The following POGLUT1 variants were observed in gnomAD, a reference collection of about 807,000 sequenced individuals.
The protein encoded by POGLUT1 is 9630046K23Rik.
POGLUT1 carries 32 observed loss-of-function variants against 61.3 expected under a neutral mutation model. The ratio of observed to expected loss-of-function variants is 0.52; its 90% CI spans 0.39 to 0.70. The LOEUF is 0.70. Ranked by LOEUF, POGLUT1 falls within the 30% of genes least tolerant of loss-of-function variation. The pLI is 0.00. For missense variants in POGLUT1, 411 were observed against 469.8 expected, an observed-to-expected ratio of 0.87 and a Z score of 1.16; for synonymous variants, 158 against 158.2, an observed-to-expected ratio of 1.00 and a Z score of 0.01.
At chr3:119,485,901 C>A (rs953754858) in intron 6 of POGLUT1, among the ~76,000 whole-genome samples, 1 of 152,174 alleles carries the variant, frequency 6.6e-6, no homozygotes, top group African/African-American at 2.4e-5. Context: ...TAGGAGGACC[C>A]TGTGTTGTTC....
At chr3:119,491,090 A>G (rs1044763295) in intron 9 of POGLUT1, among the ~76,000 whole-genome samples, 15 of 151,468 alleles carry the variant, frequency 9.9e-5, no homozygotes, top group South Asian at 6.2e-4. Flanking sequence ...TCCTTTCATG[A>G]CAGGAGGAGC....
intron 5 of POGLUT1, 66 bp downstream of exon 5, chr3:119,480,238 T>C (rs1286378514): frequency 1.4e-5 from 18 of 1,297,954 alleles, no homozygotes; most frequent in Non-Finnish European, 8.4e-6. Context: ...CCATAGAATA[T>C]AACCAATTAT....
chr3:119,480,162 G>T lies in POGLUT1; in HGVS notation c.568G>T (p.Asp190Tyr), dbSNP rs766287545. 3 of 1,581,034 alleles carry T rather than the reference G, an allele frequency of 1.9e-6. No homozygotes were observed. Among genetic ancestry groups the T allele is most frequent in the Non-Finnish European group, 2.6e-6 (3 of 1,166,418 alleles). The change falls in exon 5 of 11, where the codon GAT (aspartate) becomes TAT (tyrosine). Residue 190 changes from aspartate (D) to tyrosine (Y), a missense_variant. Coordinates refer to ENST00000295588, the MANE Select transcript of POGLUT1 (RefSeq NM_152305.3). ...TGGACGGTGGGACCTCTTCAGAGAA[G>T]ATCTGGTAAGGTAGGTCCTTTAAAG... ...GLGRWDLFRE[D>Y]LVRSAAQWPW...
At position 119,480,051 on chromosome 3, in the gene POGLUT1, A is replaced by T. The variant is rs1222996500; in HGVS notation, c.457A>T (p.Thr153Ser). 1 of 1,613,560 alleles carries T rather than the reference A, an allele frequency of 6.2e-7. No individual in the cohort carries two copies. The highest frequency in any genetic ancestry group is 8.5e-7 in the Non-Finnish European group (1 of 1,179,802). Residue 153 changes from threonine to serine, a missense_variant and splice_region_variant, in exon 5 of 11, where the codon ACA becomes TCA. Physicochemically the swap from Thr to Ser is moderately conservative, Grantham distance 58 (BLOSUM62 1). Transcript: ENST00000295588. ...GACGACCTGTCTGTTTTTGTTGAAGACATCAGAGTACCATGATATCATGTA... is the reference window on the plus strand; with the variant it reads ...GACGACCTGTCTGTTTTTGTTGAAGTCATCAGAGTACCATGATATCATGTA... ...PAIPVFSFSK[T>S]SEYHDIMYPA...
chr3:119,478,284 G>A, intron 4 of POGLUT1: 1 of 452,740 alleles, frequency 2.2e-6, no homozygotes, highest in Non-Finnish European at 4.4e-6. Flanking sequence ...CTAAAGCAGA[G>A]GGACCTTTTA....
chr3:119,483,304 A>G (rs2081627561), intron 5 of POGLUT1, among the ~76,000 whole-genome samples: 2 of 152,240 alleles, frequency 1.3e-5, no homozygotes. Context: ...GAAGTGAATC[A>G]TAACATGACT....
At chr3:119,481,681 A>G (rs1033559111) in intron 5 of POGLUT1, among the ~76,000 whole-genome samples, 1 of 152,220 alleles carries the variant, frequency 6.6e-6, no homozygotes, top group African/African-American at 2.4e-5. Flanking sequence ...GGAACTAGAA[A>G]TTGTCTTTGT....
intron 4 of POGLUT1, chr3:119,479,775 C>A: frequency 4.5e-6 from 2 of 446,568 alleles, no homozygotes; most frequent in Non-Finnish European, 7.9e-6. Flanking sequence ...GAAATCTTAA[C>A]AGTATATATC....
chr3:119,480,215 T>A, intron 5 of POGLUT1, 43 bp downstream of exon 5: 2 of 1,471,270 alleles, frequency 1.4e-6, no homozygotes, highest in Non-Finnish European at 1.8e-6. Flanking sequence ...TTTCTGGGTT[T>A]TCTTGAAATA....
In POGLUT1 at chr3:119,485,335, G is replaced by C; in HGVS notation, c.586G>C (p.Ala196Pro). The C allele has an allele frequency of 6.3e-7, 1 of 1,595,644 alleles. No homozygotes were observed. Among genetic ancestry groups the C allele is most frequent in the Non-Finnish European group, 8.6e-7 (1 of 1,163,570 alleles). ...LFREDLVRSA[A>P]QWPWKKKNST... ...TAAATTCTATATTCTTAGGTCAGCA[G>C]CACAGTGGCCATGGAAAAAGAAAAA... The change falls in exon 6 of 11, where the codon GCA becomes CCA. Residue 196 changes from alanine (A) to proline (P), a missense_variant. Coordinates refer to ENST00000295588, the MANE Select transcript of POGLUT1 (RefSeq NM_152305.3).
At position 119,490,567 on chromosome 3, in the gene POGLUT1, C is replaced by T. The variant is rs747897279; in HGVS notation, c.814C>T (p.Arg272Ter). The T allele has an allele frequency of 7.4e-6, 12 of 1,613,962 alleles. No individual in the cohort carries two copies. The Admixed American group carries it at 8.3e-5, about 11-fold the overall frequency. Reference protein sequence around the residue: ...HCKYKYLFNFRGVAASFRFKH... With the variant: ...HCKYKYLFNF The stretch of plus-strand genomic sequence containing the variant: ...TTTCCCCAGGTATCTGTTTAATTTT[C>T]GAGGCGTAGCTGCAAGTTTCCGGTT... The change falls in exon 9 of 11, where the codon CGA becomes TGA. Residue 272 changes from arginine (R) to a stop codon, truncating the protein, a stop_gained. Coordinates refer to ENST00000295588, the MANE Select transcript of POGLUT1 (RefSeq NM_152305.3). LOFTEE classifies it high-confidence loss of function.
intron 8 of POGLUT1, 60 bp from the exon 9 acceptor site, chr3:119,490,491 A>T (rs1467052367): frequency 1.4e-6 from 2 of 1,387,550 alleles, no homozygotes; most frequent in Non-Finnish European, 2.0e-6. Context: ...TAAGCATAAA[A>T]GGTCATATTT....
At chr3:119,480,323 A>T in intron 5 of POGLUT1, 151 bp downstream of exon 5, 1 of 471,142 alleles carries the variant, frequency 2.1e-6, no homozygotes, top group Non-Finnish European at 3.5e-6. Flanking sequence ...ATCTCAGCTC[A>T]CCGCAACCTC....
intron 3 of POGLUT1, among the ~76,000 whole-genome samples, chr3:119,476,324 T>C (rs1454209133): frequency 1.3e-5 from 2 of 152,220 alleles, no homozygotes; most frequent in African/African-American, 4.8e-5. Flanking sequence ...CCAATCTGAT[T>C]GGTAAAATTG....
intron 5 of POGLUT1, among the ~76,000 whole-genome samples, chr3:119,481,219 A>G: frequency 6.6e-6 from 1 of 152,194 alleles, no homozygotes; most frequent in Non-Finnish European, 1.5e-5. Flanking sequence ...AATGTCCCAT[A>G]AGCATCTCAA....
intron 4 of POGLUT1, among the ~76,000 whole-genome samples, chr3:119,479,534 G>T (rs373270266): frequency 6.6e-6 from 1 of 152,156 alleles, no homozygotes; most frequent in Non-Finnish European, 1.5e-5. Flanking sequence ...GAACCATTAA[G>T]TAACTTGCCT....
chr3:119,486,235 T>G (rs547036732), intron 6 of POGLUT1, among the ~76,000 whole-genome samples: 1 of 152,314 alleles, frequency 6.6e-6, no homozygotes, highest in South Asian at 2.1e-4. Flanking sequence ...TGAGGATATG[T>G]GCATTTTTCT....
intron 6 of POGLUT1, among the ~76,000 whole-genome samples, chr3:119,486,350 T>G (rs1422316945): frequency 6.6e-6 from 1 of 152,224 alleles, no homozygotes; most frequent in African/African-American, 2.4e-5. Flanking sequence ...CTAGAAATTC[T>G]TCCACATACA....
chr3:119,478,754 G>A (rs1044284014), intron 4 of POGLUT1, among the ~76,000 whole-genome samples: 1 of 152,070 alleles, frequency 6.6e-6, no homozygotes, highest in Non-Finnish European at 1.5e-5. Context: ...TCCAGTGGAA[G>A]AAATAGTAGA....
Sources: allele counts gnomAD v4.1 joint callset (sites outside exome capture counted in the v4.1 genomes callset), GRCh38; gene constraint gnomAD v4.1.1; transcripts MANE v1.5; gene names NCBI Gene and HGNC (gene_info 2026-07-23, HGNC 2026-07-21).